Variants in GRK3 observed in about 807,000 individuals in gnomAD.
GRK3 encodes the protein adrenergic, beta, receptor kinase 2.
In GRK3, 54 loss-of-function variants were observed where a neutral mutation model predicts 95.7. That is an observed-to-expected ratio of 0.56 (90% CI 0.45 to 0.71). The LOEUF (loss-of-function observed/expected upper bound fraction) is 0.71, where lower values mean the gene tolerates loss of function less well. Ranked by LOEUF, GRK3 falls within the 30% of genes least tolerant of loss-of-function variation. GRK3 has a pLI of 0.00. For missense variants in GRK3, 649 were observed against 851.2 expected (o/e 0.76, Z 2.96); for synonymous variants, 281 against 290.8 (o/e 0.97, Z 0.34).
chr22:25,690,580 G>A (rs1349122004), intron 12 of GRK3, among the ~76,000 whole-genome samples: 1 of 152,186 alleles, frequency 6.6e-6, no homozygotes, highest in Admixed American at 6.5e-5. Flanking sequence ...CTAAAAGTCA[G>A]TCAGTTACTT....
chr22:25,629,976 A>G (rs1395044905), intron 2 of GRK3, among the ~76,000 whole-genome samples: 1 of 152,008 alleles, frequency 6.6e-6, no homozygotes, highest in Non-Finnish European at 1.5e-5. Flanking sequence ...CAATTAGAGT[A>G]CAATTGCATT....
At position 25,604,412 on chromosome 22, in the gene GRK3, G is replaced by T; in HGVS notation, c.149G>T (p.Arg50Ile). The change falls in exon 2 of 21, where the codon AGA (arginine) becomes ATA (isoleucine). Residue 50 changes from arginine (R) to isoleucine (I), a missense_variant. Around this residue, in one of 3 missense-constraint regions of GRK3, gnomAD observed 206 missense variants for 231.4 expected, o/e 0.89. Coordinates refer to ENST00000324198, the MANE Select transcript of GRK3 (RefSeq NM_005160.4). ...RSVMQKYLAE[R>I]NEITFDKIFN... Reference sequence around the variant, plus strand: ...GTGATGCAGAAGTACCTTGCAGAGAGAAATGAAATAACCTTTGACAAGATT... The same window carrying T: ...GTGATGCAGAAGTACCTTGCAGAGATAAATGAAATAACCTTTGACAAGATT... The T allele has an allele frequency of 6.2e-7, 1 of 1,612,554 alleles. No individual in the cohort carries two copies. The highest frequency in any genetic ancestry group is 1.1e-5 in the South Asian group (1 of 90,824).
chr22:25,614,440 T>C (rs905191373), intron 2 of GRK3, among the ~76,000 whole-genome samples: 5 of 152,196 alleles, frequency 3.3e-5, no homozygotes, highest in Non-Finnish European at 7.3e-5. Flanking sequence ...GGCCATCTAT[T>C]ATCTGCTAAA....
chr22:25,705,061 T>C (rs990662635), intron 15 of GRK3, among the ~76,000 whole-genome samples: 4 of 152,236 alleles, frequency 2.6e-5, no homozygotes, highest in Non-Finnish European at 5.9e-5. Context: ...TATGTATTTT[T>C]AGTGTGCATA....
At chr22:25,565,374 C>G (rs1469167382) in intron 1 of GRK3, among the ~76,000 whole-genome samples, 1 of 152,108 alleles carries the variant, frequency 6.6e-6, no homozygotes, top group African/African-American at 2.4e-5. Context: ...CCAAAGTGCC[C>G]GGCGCGGCGC....
chr22:25,673,684 G>T (rs935668442), intron 7 of GRK3, among the ~76,000 whole-genome samples: 2 of 152,126 alleles, frequency 1.3e-5, no homozygotes, highest in African/African-American at 2.4e-5. Context: ...GCCAGGATAT[G>T]TAAAGTAGTA....
chr22:25,719,668 G>T (rs376702624), intron 19 of GRK3, among the ~76,000 whole-genome samples: 3 of 139,914 alleles, frequency 2.1e-5, no homozygotes, highest in African/African-American at 5.2e-5. Flanking sequence ...GCCAACCCTG[G>T]TGGAAGGCAT....
In GRK3 at chr22:25,703,541, G is replaced by C; in HGVS notation, c.1192G>C (p.Asp398His). The change falls in exon 14 of 21, where the codon GAC becomes CAC. Residue 398 changes from aspartate (D) to histidine (H), a missense_variant. Physicochemically the swap from Asp to His is moderately conservative, Grantham distance 81. Transcript: ENST00000324198. ...HSPFRQHKTK[D>H]KHEIDRMTLT... is the part of the protein sequence containing the mutation. The stretch of plus-strand genomic sequence containing the variant: ...CCCTTTCAGACAACATAAAACCAAA[G>C]ACAAGCATGAAATTGACCGAATGAC... 1.2e-6 allele frequency: 2 copies of C among 1,613,268 alleles called. No individual in the cohort carries two copies. Among genetic ancestry groups the C allele is most frequent in the Non-Finnish European group, 1.7e-6 (2 of 1,179,488 alleles).
chr22:25,720,738 G>C (rs546482824), intron 19 of GRK3, among the ~76,000 whole-genome samples: 1 of 152,192 alleles, frequency 6.6e-6, no homozygotes, highest in Non-Finnish European at 1.5e-5. Context: ...GCCTCCCAAA[G>C]TGCTGGGATT....
At chr22:25,593,193 A>G (rs934501280) in intron 1 of GRK3, among the ~76,000 whole-genome samples, 1 of 151,614 alleles carries the variant, frequency 6.6e-6, no homozygotes, top group Non-Finnish European at 1.5e-5. Flanking sequence ...GAAAATAAAT[A>G]TATTCAGTAA....
At chr22:25,578,327 C>T (rs772071464) in intron 1 of GRK3, among the ~76,000 whole-genome samples, 2 of 152,072 alleles carry the variant, frequency 1.3e-5, no homozygotes, top group Admixed American at 6.5e-5. Context: ...GTGGTGGGCA[C>T]CTTCGCTAAC....
intron 2 of GRK3, among the ~76,000 whole-genome samples, chr22:25,609,999 C>T (rs1193390142): frequency 4.0e-5 from 6 of 151,848 alleles, no homozygotes; most frequent in African/African-American, 1.5e-4. Context: ...AGGCACACGC[C>T]ACCATGCCTG....
rs1384930804 is a variant in GRK3, at chr22:25,674,480, G to T, written c.599G>T (p.Gly200Val). The change falls in exon 8 of 21, where the codon GGA (glycine) becomes GTA (valine). Residue 200 changes from glycine (G) to valine (V), a missense_variant. Gly to Val is a moderately radical substitution (Grantham distance 109, BLOSUM62 -3). This residue lies in a region of GRK3 where 61 missense variants were observed against 126.0 expected (regional missense o/e 0.48). Transcript: ENST00000324198. ...AGTGTGCATAGGATTATTGGACGAG[G>T]AGGATTCGGGGAAGTTTATGGTTGC... ...EFSVHRIIGR[G>V]GFGEVYGCRK... 6.2e-7 allele frequency: 1 copy of T among 1,614,056 alleles called. No homozygotes were observed. The highest frequency in any genetic ancestry group is 1.3e-5 in the African/African-American group (1 of 74,944).
chr22:25,704,871 C>T (rs1424773705), intron 15 of GRK3, among the ~76,000 whole-genome samples: 4 of 152,126 alleles, frequency 2.6e-5, no homozygotes, highest in African/African-American at 7.2e-5. Flanking sequence ...TGAGTAACTG[C>T]GATCTAACAC....
At chr22:25,638,058 C>T (rs956480510) in intron 2 of GRK3, among the ~76,000 whole-genome samples, 1 of 152,236 alleles carries the variant, frequency 6.6e-6, no homozygotes, top group East Asian at 1.9e-4. Flanking sequence ...AACCATCACA[C>T]ATCCACCCCT....
chr22:25,576,156 G>A (rs956100804), intron 1 of GRK3, among the ~76,000 whole-genome samples: 3 of 151,984 alleles, frequency 2.0e-5, no homozygotes, highest in Admixed American at 6.5e-5. Context: ...AGGAGCCTAC[G>A]TGCCCAGCGT....
intron 10 of GRK3, among the ~76,000 whole-genome samples, chr22:25,687,266 G>A (rs1178796466): frequency 1.3e-5 from 2 of 152,124 alleles, no homozygotes; most frequent in African/African-American, 4.8e-5. Context: ...CCTTGTGAGA[G>A]CAGAACTAGA....
intron 1 of GRK3, among the ~76,000 whole-genome samples, chr22:25,579,008 C>T (rs981485886): frequency 3.9e-5 from 6 of 152,080 alleles, no homozygotes; most frequent in Non-Finnish European, 8.8e-5. Context: ...TGATCACCAC[C>T]AGCAGTAGAA....
At chr22:25,691,264 A>C (rs2085162745) in intron 12 of GRK3, among the ~76,000 whole-genome samples, 1 of 152,162 alleles carries the variant, frequency 6.6e-6, no homozygotes, top group Non-Finnish European at 1.5e-5. Flanking sequence ...CATTTTATTG[A>C]CATCTTAAGC....
Sources: allele counts gnomAD v4.1 joint callset (sites outside exome capture counted in the v4.1 genomes callset), GRCh38; gene constraint gnomAD v4.1.1; regional missense constraint gnomAD v4.1.1; transcripts MANE v1.5; gene names NCBI Gene and HGNC (gene_info 2026-07-23, HGNC 2026-07-21).